SLC36A3: variants seen among roughly 807,000 people sequenced by gnomAD.
SLC36A3 encodes the protein solute carrier family 36 member 3, also known as proton-coupled amino acid transporter 3.
A neutral mutation model predicts 44.3 loss-of-function variants in SLC36A3; 35 were observed. The ratio of observed to expected loss-of-function variants is 0.79; its 90% CI spans 0.60 to 1.05. The LOEUF is 1.05. Among genes scored for constraint, SLC36A3 ranks in the 50% least tolerant of loss-of-function variants. The pLI, the probability that SLC36A3 is intolerant of heterozygous loss-of-function variation, is 0.00. For missense variants in SLC36A3, 540 were observed against 578.7 expected, an observed-to-expected ratio of 0.93 and a Z score of 0.69; for synonymous variants, 211 against 227.6, an observed-to-expected ratio of 0.93 and a Z score of 0.66.
At position 151,284,092 on chromosome 5, in the gene SLC36A3, A is replaced by G. The variant is rs765849163; in HGVS notation, c.926T>C (p.Phe309Ser). 3 of 1,613,966 alleles carry G rather than the reference A, an allele frequency of 1.9e-6. No homozygotes were observed. The African/African-American group carries it at 4.0e-5, about 22-fold the overall frequency. The change falls in exon 8 of 10, where the codon TTT (phenylalanine) becomes TCT (serine). Residue 309 changes from phenylalanine to serine, a missense_variant. Phe to Ser is a radical substitution (Grantham distance 155, BLOSUM62 -2). Coordinates refer to ENST00000335230, the MANE Select transcript of SLC36A3 (RefSeq NM_181774.4). ...ILLGTLGYMK[F>S]GSDTQASITL... The stretch of plus-strand genomic sequence containing the variant: ...GATGCTGGCCTGGGTGTCTGACCCA[A>G]ACTTCATGTAGCCCAGTGTCCCCAG...
chr5:151,293,287 A>T (rs1439457450), intron 4 of SLC36A3, 77 bp downstream of exon 4: 2 of 1,264,860 alleles, frequency 1.6e-6, no homozygotes, highest in African/African-American at 3.0e-5. Flanking sequence ...TATTCATTTA[A>T]AACCTGTGTA....
At chr5:151,288,298 A>G (rs1443320627) in intron 5 of SLC36A3, 88 bp downstream of exon 5, 4 of 1,011,082 alleles carry the variant, frequency 4.0e-6, no homozygotes, top group Admixed American at 5.2e-5. Flanking sequence ...CTCTCCTCCC[A>G]TGAGCCTAAC....
At chr5:151,300,612 T>C (rs2127274471) in intron 1 of SLC36A3, among the ~76,000 whole-genome samples, 1 of 152,318 alleles carries the variant, frequency 6.6e-6, no homozygotes, top group East Asian at 1.9e-4. Context: ...TTGAATCAGA[T>C]ATTGTGGGAA....
chr5:151,287,188 C>T, intron 6 of SLC36A3, 58 bp downstream of exon 6: 1 of 1,563,656 alleles, frequency 6.4e-7, no homozygotes, highest in Non-Finnish European at 8.8e-7. Flanking sequence ...AACAAACCCT[C>T]CTCCCCAGGT....
At chr5:151,302,165 C>T (rs1268762175) in intron 1 of SLC36A3, among the ~76,000 whole-genome samples, 8 of 152,160 alleles carry the variant, frequency 5.3e-5, no homozygotes, top group Non-Finnish European at 1.2e-4. Flanking sequence ...ACAGCATTTG[C>T]CAAATAAATA....
chr5:151,296,342 C>T (rs745356941), intron 2 of SLC36A3, 74 bp from the exon 3 acceptor site: 10 of 1,269,156 alleles, frequency 7.9e-6, no homozygotes, highest in South Asian at 4.9e-5. Flanking sequence ...TCACAGTCTG[C>T]GTGCTGGGGC....
chr5:151,288,462 A>G lies in SLC36A3; in HGVS notation c.413T>C (p.Val138Ala), dbSNP rs534704802. The G allele has an allele frequency of 2.5e-6, 4 of 1,574,098 alleles. No homozygotes were observed. The African/African-American group carries it at 5.4e-5, about 21-fold the overall frequency. Reference protein sequence around the residue: ...RAHAVWGRYTVSFLLVITQLG... With the variant: ...RAHAVWGRYTASFLLVITQLG... The stretch of plus-strand genomic sequence containing the variant: ...CTGGGTGATGACTAATAAGAAGCTG[A>G]CAGTGTACCTGGGAAGGAAAGGAAG... Residue 138 changes from valine (V) to alanine (A), a missense_variant, in exon 5 of 10, where the codon GTC (valine) becomes GCC (alanine). By Grantham distance (64) the Val-to-Ala change is moderately conservative. Transcript: ENST00000335230.
intron 6 of SLC36A3, among the ~76,000 whole-genome samples, chr5:151,285,073 G>A (rs566821419): frequency 3.3e-5 from 5 of 152,028 alleles, no homozygotes; most frequent in Admixed American, 2.0e-4. Flanking sequence ...GGCACCCCCT[G>A]CTCTACTATC....
chr5:151,300,323 AG>A (rs1177814996), intron 1 of SLC36A3, among the ~76,000 whole-genome samples: 3 of 152,218 alleles, frequency 2.0e-5, no homozygotes, highest in Non-Finnish European at 4.4e-5. Context: ...TTGGGTTGAG[AG>A]AACAGATGAA....
In SLC36A3 at chr5:151,295,157, GAGA is replaced by G. The variant is rs756573243; in HGVS notation, c.308+1020_308+1022del. 8.5e-5 allele frequency among the ~76,000 whole-genome samples: 13 copies of G among 152,286 alleles called. No individual in the cohort carries two copies. The South Asian group carries it at 1.4e-3, about 17-fold the overall frequency. Reference sequence around the variant, plus strand: ...AATGATCCCAGAAGGCTTGAGGGAAGAGAAGATTTGCAAAATGGTTAACAGTGG... The same window carrying G: ...AATGATCCCAGAAGGCTTGAGGGAAGAGATTTGCAAAATGGTTAACAGTGG... On this transcript the variant is annotated intron_variant, in intron 3 of 9. Coordinates refer to ENST00000335230, the MANE Select transcript of SLC36A3 (RefSeq NM_181774.4).
intron 4 of SLC36A3, among the ~76,000 whole-genome samples, chr5:151,288,751 A>G (rs1305864820): frequency 6.6e-6 from 1 of 151,646 alleles, no homozygotes; most frequent in Non-Finnish European, 1.5e-5. Context: ...ATATTCGTCT[A>G]TACACACACA....
intron 1 of SLC36A3, among the ~76,000 whole-genome samples, 195 bp downstream of exon 1, chr5:151,303,032 A>G (rs946693933): frequency 1.3e-4 from 20 of 152,202 alleles, no homozygotes; most frequent in African/African-American, 4.8e-4. Context: ...TTCTTCGTAA[A>G]AACTGGGAAA....
At chr5:151,292,057 C>T (rs10070213) in intron 4 of SLC36A3, among the ~76,000 whole-genome samples, 15,204 of 151,974 alleles carry the variant, frequency 0.1, 1,284 homozygotes, top group African/African-American at 0.23. Flanking sequence ...GACAGGGTTA[C>T]GCCATGTTGG....
chr5:151,281,647 G>T (rs923078402), intron 8 of SLC36A3, among the ~76,000 whole-genome samples: 1 of 152,054 alleles, frequency 6.6e-6, no homozygotes, highest in East Asian at 1.9e-4. Flanking sequence ...GTGAAAGCTC[G>T]TCTCTAATAA....
rs530824267 is a variant in SLC36A3, at chr5:151,278,014, G to A, written c.1145-353C>T. Among the ~76,000 whole-genome samples the A allele has an allele frequency of 9.2e-5, 14 of 152,260 alleles. No homozygotes were observed. In the South Asian group the frequency reaches 2.9e-3, roughly 32 times the overall value. The stretch of plus-strand genomic sequence containing the variant: ...CAGAGCTGAGATGAGAATTCACTGG[G>A]ATGCCCCATCTAAGGTCCTTTTCAC... On this transcript the variant is annotated intron_variant, in intron 9 of 9. Transcript: ENST00000335230.
chr5:151,299,225 G>GCTCTCT lies in SLC36A3; in HGVS notation c.129-548_129-543dup, dbSNP rs61382152. ...CATTGTGAATATGAATTGCTTGTGC[G>GCTCTCT]CTCTCTCTCTCTCTCTCTCTCTCTC... is the stretch of plus-strand genomic sequence containing the variant. On this transcript the variant is annotated intron_variant, in intron 1 of 9. Coordinates refer to ENST00000335230, the MANE Select transcript of SLC36A3 (RefSeq NM_181774.4). Among the ~76,000 whole-genome samples, 150 of 92,364 alleles carry GCTCTCT rather than the reference G, an allele frequency of 1.6e-3. 1 individual carries two copies. Among genetic ancestry groups the GCTCTCT allele is most frequent in the South Asian group, 3.3e-3 (8 of 2,392 alleles). The allele number at this position is 92,364 out of a possible 152,430, so 60.6% of individuals were successfully genotyped here. A position where few individuals can be genotyped will look rare whatever the true frequency, so the allele number is the denominator to read the frequency against.
At chr5:151,288,651 T>C (rs2127262341) in intron 4 of SLC36A3, among the ~76,000 whole-genome samples, 181 bp from the exon 5 acceptor site, 1 of 145,738 alleles carries the variant, frequency 6.9e-6, no homozygotes, top group South Asian at 2.2e-4. Flanking sequence ...AACATCCATG[T>C]ACCCTTTAAC....
chr5:151,279,908 C>A (rs1309159214), intron 9 of SLC36A3, among the ~76,000 whole-genome samples: 1 of 152,162 alleles, frequency 6.6e-6, no homozygotes, highest in African/African-American at 2.4e-5. Context: ...ACAATAATCC[C>A]ACAGGTGTTT....
chr5:151,293,379 T>C lies in SLC36A3; in HGVS notation c.389A>G (p.His130Arg), dbSNP rs371705963. 2.5e-6 allele frequency: 4 copies of C among 1,613,590 alleles called. No individual in the cohort carries two copies. The African/African-American group carries it at 5.3e-5, about 22-fold the overall frequency. The change falls in exon 4 of 10, where the codon CAT (histidine) becomes CGT (arginine). Residue 130 changes from histidine (H) to arginine (R), a missense_variant. By Grantham distance (29) the His-to-Arg change is conservative (BLOSUM62 0). Transcript: ENST00000335230. ...TGACTACTACCTTCCCCACACTGCA[T>C]GGGCCCTCAGCCAGGTGTTCGGGCA... ...ETCPNTWLRA[H>R]AVWGRYTVSF...
Sources: gnomAD v4.1 joint callset for allele counts (sites outside exome capture counted in the v4.1 genomes callset) on GRCh38, gnomAD v4.1.1 for gene constraint, MANE v1.5 for transcripts, NCBI Gene and HGNC (gene_info 2026-07-23, HGNC 2026-07-21) for gene names.